The following NCOR1 variants were observed in gnomAD, a reference collection of about 807,000 sequenced individuals.
NCOR1 encodes the protein nuclear receptor corepressor 1.
Under a neutral mutation model 288.1 loss-of-function variants are expected in NCOR1, and 63 were observed. That is an observed-to-expected ratio of 0.22 (90% CI 0.18 to 0.27). The LOEUF is 0.27. Ranked by LOEUF, NCOR1 falls within the 10% of genes least tolerant of loss-of-function variation. NCOR1 has a pLI of 1.00. For synonymous variants in NCOR1, 1,007 were observed against 1,065.9 expected (o/e 0.94, Z 1.08); for missense variants, 2,397 against 3,019.2 (o/e 0.79, Z 4.83).
rs116012719 is a variant in NCOR1 at position 16,098,993 on chromosome 17, A to G, written c.2691-497T>C. Among the ~76,000 whole-genome samples the G allele has an allele frequency of 8.9e-3, 1,359 of 152,360 alleles. 23 individuals carry two copies. The highest frequency in any genetic ancestry group is 0.031 in the African/African-American group (1,293 of 41,564). ...AGAGGATGTTTTATTGGGATCACAGAGTATTTTTTTAAATATTTGAATAAG... is the reference window on the plus strand; with the variant it reads ...AGAGGATGTTTTATTGGGATCACAGGGTATTTTTTTAAATATTTGAATAAG... On this transcript the variant is annotated intron_variant, in intron 20 of 45. Transcript: ENST00000268712.
chr17:16,211,021 G>A (rs1052462942), intron 1 of NCOR1, among the ~76,000 whole-genome samples: 6 of 152,042 alleles, frequency 3.9e-5, no homozygotes, highest in Admixed American at 2.0e-4. Flanking sequence ...GTGAGCCACC[G>A]CGCCTGGCCG....
At chr17:16,186,774 C>T (rs1047461659) in intron 2 of NCOR1, 87 bp from the exon 3 acceptor site, 2 of 1,190,922 alleles carry the variant, frequency 1.7e-6, no homozygotes, top group Non-Finnish European at 2.4e-6. Flanking sequence ...TAGTTATGGG[C>T]CACTAAGTAT....
Position 16,125,948 on chromosome 17 carries a change from A to G in NCOR1, c.1634+134T>C, listed in dbSNP as rs1252937680. On this transcript the variant is annotated intron_variant, in intron 15 of 45. Transcript: ENST00000268712. Reference sequence around the variant, plus strand: ...GGGTATAATGTACACTATTTGGGCGATGGTACACTAAAAGCACAGACTTCA... The same window carrying G: ...GGGTATAATGTACACTATTTGGGCGGTGGTACACTAAAAGCACAGACTTCA... 15 of 506,046 alleles carry G rather than the reference A, an allele frequency of 3.0e-5. No homozygotes were observed. The Admixed American group carries it at 5.1e-4, about 17-fold the overall frequency. 31.3% of individuals were successfully genotyped at this position (506,046 alleles called of 1,614,324 possible). A position where few individuals can be genotyped will look rare whatever the true frequency, so the allele number is the denominator to read the frequency against.
At chr17:16,055,620 C>T (rs930447830) in intron 40 of NCOR1, among the ~76,000 whole-genome samples, 1 of 152,132 alleles carries the variant, frequency 6.6e-6, no homozygotes, top group Non-Finnish European at 1.5e-5. Flanking sequence ...AACAAACCCC[C>T]ACGACTCAAG....
chr17:16,138,780 G>C (rs1486027314), intron 12 of NCOR1, among the ~76,000 whole-genome samples: 1 of 152,086 alleles, frequency 6.6e-6, no homozygotes, highest in African/African-American at 2.4e-5. Context: ...ACCCAAGTTT[G>C]GGAACCACTC....
At chr17:16,208,843 G>GA (rs996408983) in intron 1 of NCOR1, among the ~76,000 whole-genome samples, 16 of 143,938 alleles carry the variant, frequency 1.1e-4, no homozygotes, top group Admixed American at 4.8e-4. Flanking sequence ...CTGTAAAAAA[G>GA]AAAAAAAAAA....
At chr17:16,149,232 AATTTGATAAT>A (rs2078485728) in intron 9 of NCOR1, among the ~76,000 whole-genome samples, 1 of 150,970 alleles carries the variant, frequency 6.6e-6, no homozygotes, top group Non-Finnish European at 1.5e-5. Flanking sequence ...CAATGAAATT[AATTTGATAAT>A]ATTAAATGTA....
chr17:16,082,393 T>C (rs1387787821), intron 23 of NCOR1, among the ~76,000 whole-genome samples: 1 of 152,150 alleles, frequency 6.6e-6, no homozygotes, highest in Non-Finnish European at 1.5e-5. Flanking sequence ...ATTATAAATG[T>C]ATTCCAAGAA....
intron 1 of NCOR1, among the ~76,000 whole-genome samples, chr17:16,199,204 GAA>G (rs71353779): frequency 0.041 from 4,119 of 99,816 alleles, 187 homozygotes; most frequent in African/African-American, 0.12. Flanking sequence ...AATACAGAAG[GAA>G]AAAAAAAAAA....
intron 1 of NCOR1, among the ~76,000 whole-genome samples, chr17:16,212,293 A>T (rs1225053812): frequency 6.6e-6 from 1 of 152,064 alleles, no homozygotes; most frequent in Non-Finnish European, 1.5e-5. Context: ...AAAAAAAAAG[A>T]TAATCTATAG....
At chr17:16,106,725 T>C (rs2068713409) in intron 19 of NCOR1, among the ~76,000 whole-genome samples, 1 of 151,482 alleles carries the variant, frequency 6.6e-6, no homozygotes, top group Non-Finnish European at 1.5e-5. Flanking sequence ...TTCTTGACAC[T>C]TTCCAAATGA....
At chr17:16,127,303 A>ATATATACATGTATGTATATATGTATG (rs2074415669) in intron 14 of NCOR1, among the ~76,000 whole-genome samples, 1 of 94,378 alleles carries the variant, frequency 1.1e-5, no homozygotes, top group African/African-American at 3.8e-5. Flanking sequence ...GTATGTATGT[A>ATATATACATGTATGTATATATGTATG]TATATACATG....
chr17:16,073,841 T>G (rs2062048090), intron 27 of NCOR1, among the ~76,000 whole-genome samples: 1 of 152,206 alleles, frequency 6.6e-6, no homozygotes, highest in Non-Finnish European at 1.5e-5. Flanking sequence ...ATAATGTAGG[T>G]ACAGATTATG....
intron 5 of NCOR1, among the ~76,000 whole-genome samples, chr17:16,162,845 G>A (rs535474112): frequency 5.4e-4 from 82 of 152,212 alleles, no homozygotes; most frequent in Non-Finnish European, 1.1e-3. Context: ...CACATAAGAA[G>A]ACAAATATGT....
intron 13 of NCOR1, chr17:16,137,955 A>G: frequency 2.1e-6 from 1 of 481,502 alleles, no homozygotes; most frequent in South Asian, 3.7e-5. Flanking sequence ...ACATCAGGTC[A>G]TCTTTCATTA....
Position 16,061,746 on chromosome 17 carries a change from C to T in NCOR1, c.5536G>A (p.Ala1846Thr), listed in dbSNP as rs2060566088. 1 of 1,614,106 alleles carries T rather than the reference C, an allele frequency of 6.2e-7. No individual in the cohort carries two copies. Among genetic ancestry groups the T allele is most frequent in the Admixed American group, 1.7e-5 (1 of 60,012 alleles). The change falls in exon 37 of 46, where the codon GCT becomes ACT. Residue 1846 changes from alanine to threonine, a missense_variant. By Grantham distance (58) the Ala-to-Thr change is moderately conservative. Transcript: ENST00000268712. ...VSKTKESKHE[A>T]ARLEENLRSR... ...CTCAAATTTTCTTCTAACCTGGCAG[C>T]TTCATGCTTACTCTCTTTTGTTTTG...
intron 3 of NCOR1, among the ~76,000 whole-genome samples, chr17:16,177,812 C>A (rs1568498039): frequency 6.6e-6 from 1 of 152,172 alleles, no homozygotes; most frequent in South Asian, 2.1e-4. Flanking sequence ...CCATTCACCA[C>A]CACCAATTGA....
At chr17:16,160,131 T>C (rs2080530153) in intron 5 of NCOR1, among the ~76,000 whole-genome samples, 1 of 151,978 alleles carries the variant, frequency 6.6e-6, no homozygotes, top group South Asian at 2.1e-4. Context: ...CACGCCTGGC[T>C]CCCTTAACTC....
intron 2 of NCOR1, 112 bp from the exon 3 acceptor site, chr17:16,186,799 A>G: frequency 1.1e-6 from 1 of 893,584 alleles, no homozygotes; most frequent in Non-Finnish European, 1.7e-6. Flanking sequence ...AGAAAGAGCA[A>G]TGACTATTTC....
Sources: allele counts gnomAD v4.1 joint callset (sites outside exome capture counted in the v4.1 genomes callset), GRCh38; gene constraint gnomAD v4.1.1; transcripts MANE v1.5; gene names NCBI Gene and HGNC (gene_info 2026-07-23, HGNC 2026-07-21).